Variants in C1orf74 observed in about 807,000 individuals in gnomAD.
C1orf74 encodes UPF0739 protein C1orf74.
In C1orf74, 5 loss-of-function variants were observed where a neutral mutation model predicts 7.3. That is an observed-to-expected ratio of 0.68 (90% CI 0.36 to 1.44). C1orf74 has a LOEUF of 1.44. Among genes scored for constraint, C1orf74 ranks in the 40% most tolerant of loss-of-function variants. The pLI, the probability that C1orf74 is intolerant of heterozygous loss-of-function variation, is 0.04. For missense variants in C1orf74, 291 were observed against 314.3 expected (o/e 0.93, Z 0.56); for synonymous variants, 121 against 132.5 (o/e 0.91, Z 0.59).
In C1orf74 at chr1:209,782,300, A is replaced by G; in HGVS notation, c.*525T>C. The G allele has an allele frequency of 1.6e-6, 1 of 625,652 alleles. No homozygotes were observed. The highest frequency in any genetic ancestry group is 2.9e-6 in the Non-Finnish European group (1 of 348,306). 38.8% of individuals were successfully genotyped at this position (625,652 alleles called of 1,614,324 possible). ...TCTTAACCTACTGTAAATAAACTTC[A>G]CCTGACCAGATTGTTCCTCAGAACT... On this transcript the variant is annotated 3_prime_UTR_variant, in exon 2 of 2. Transcript: ENST00000294811.
Position 209,783,353 on chromosome 1 carries a change from A to T in C1orf74, c.282T>A (p.Ile94=). ...HILEIGENSL[I]VSPEHVCQHL... is the part of the protein sequence containing the mutation. ...GCTGACATACATGCTCAGGACTGAC[A>T]ATCAGGCTGTTTTCTCCAATCTCAA... Residue 94 remains isoleucine (I), a synonymous_variant, in exon 2 of 2, where the codon ATT becomes ATA. Transcript: ENST00000294811. 1 of 1,614,182 alleles carries T rather than the reference A, an allele frequency of 6.2e-7. No individual in the cohort carries two copies. Among genetic ancestry groups the T allele is most frequent in the Non-Finnish European group, 8.5e-7 (1 of 1,180,016 alleles).
chr1:209,782,389 T>C lies in C1orf74; in HGVS notation c.*436A>G. On this transcript the variant is annotated 3_prime_UTR_variant, in exon 2 of 2. Transcript: ENST00000294811. ...ATCACATATTTAAGCATACTGGTGG[T>C]CTACTCTCCTCAAATTCAGTTGGAG... The C allele has an allele frequency of 1.9e-6, 1 of 514,168 alleles. No individual in the cohort carries two copies. Among genetic ancestry groups the C allele is most frequent in the Non-Finnish European group, 3.5e-6 (1 of 285,746 alleles). 31.9% of individuals were successfully genotyped at this position (514,168 alleles called of 1,614,324 possible).
Position 209,780,734 on chromosome 1 carries a change from C to T in C1orf74, c.*2091G>A, listed in dbSNP as rs2077759640. The T allele has an allele frequency of 1.2e-6, 1 of 868,866 alleles. No individual in the cohort carries two copies. The highest frequency in any genetic ancestry group is 3.5e-5 in the South Asian group (1 of 28,206). The allele number at this position is 868,866 out of a possible 1,614,324, so 53.8% of individuals were successfully genotyped here. On this transcript the variant is annotated 3_prime_UTR_variant, in exon 2 of 2. Coordinates refer to ENST00000294811, the MANE Select transcript of C1orf74 (RefSeq NM_152485.4). ...ATAACCACAGACATTCATTTGCCTACATAAAGTGTCTGTGCTTTTGGGCTG... is the reference window on the plus strand; with the variant it reads ...ATAACCACAGACATTCATTTGCCTATATAAAGTGTCTGTGCTTTTGGGCTG...
In C1orf74 at chr1:209,780,583, C is replaced by T; in HGVS notation, c.*2242G>A. Reference sequence around the variant, plus strand: ...AGACCAGCTGCAAAAGAAGACTTTGCAGCTCCAGGCCAAGGAAAAGGAGGT... The same window carrying T: ...AGACCAGCTGCAAAAGAAGACTTTGTAGCTCCAGGCCAAGGAAAAGGAGGT... On this transcript the variant is annotated 3_prime_UTR_variant, in exon 2 of 2. Coordinates refer to ENST00000294811, the MANE Select transcript of C1orf74 (RefSeq NM_152485.4). 2 of 1,591,674 alleles carry T rather than the reference C, an allele frequency of 1.3e-6. No homozygotes were observed. The highest frequency in any genetic ancestry group is 1.1e-5 in the South Asian group (1 of 88,410).
Position 209,781,550 on chromosome 1 carries a change from C to A in C1orf74, c.*1275G>T. The A allele has an allele frequency of 2.3e-6, 2 of 862,418 alleles. No individual in the cohort carries two copies. Among genetic ancestry groups the A allele is most frequent in the Non-Finnish European group, 1.9e-6 (1 of 520,388 alleles). The allele number at this position is 862,418 out of a possible 1,614,324, so 53.4% of individuals were successfully genotyped here. A position where few individuals can be genotyped will look rare whatever the true frequency, so the allele number is the denominator to read the frequency against. On this transcript the variant is annotated 3_prime_UTR_variant, in exon 2 of 2. Transcript: ENST00000294811. ...GCACATAAAATATATCAGCCCACGC[C>A]AACAACTGGCCATCCTGTCCCACTG... is the stretch of plus-strand genomic sequence containing the variant.
In C1orf74 at chr1:209,782,278, T is replaced by A; in HGVS notation, c.*547A>T. 1.5e-6 allele frequency: 1 copy of A among 686,076 alleles called. No homozygotes were observed. The highest frequency in any genetic ancestry group is 2.6e-6 in the Non-Finnish European group (1 of 388,292). The allele number at this position is 686,076 out of a possible 1,614,324, so 42.5% of individuals were successfully genotyped here. On this transcript the variant is annotated 3_prime_UTR_variant, in exon 2 of 2. Coordinates refer to ENST00000294811, the MANE Select transcript of C1orf74 (RefSeq NM_152485.4). ...GATTTCTGACTTTTTATTAATTTCT[T>A]AACCTACTGTAAATAAACTTCACCT...
Position 209,780,593 on chromosome 1 carries a change from C to T in C1orf74, c.*2232G>A. 6.3e-7 allele frequency: 1 copy of T among 1,587,344 alleles called. No homozygotes were observed. The highest frequency in any genetic ancestry group is 1.1e-5 in the South Asian group (1 of 88,010). ...CAAAAGAAGACTTTGCAGCTCCAGG[C>T]CAAGGAAAAGGAGGTGAGAGGGTGA... On this transcript the variant is annotated 3_prime_UTR_variant, in exon 2 of 2. Coordinates refer to ENST00000294811, the MANE Select transcript of C1orf74 (RefSeq NM_152485.4).
At chr1:209,783,957 T>C (rs1571975219) in intron 1 of C1orf74, among the ~76,000 whole-genome samples, 1 of 152,216 alleles carries the variant, frequency 6.6e-6, no homozygotes, top group East Asian at 1.9e-4. Flanking sequence ...CTGTTGCAAA[T>C]TACGTTCTCT....
At position 209,780,363 on chromosome 1, in the gene C1orf74, C is replaced by A; in HGVS notation, c.*2462G>T. The A allele has an allele frequency of 9.0e-7, 1 of 1,105,866 alleles. No homozygotes were observed. Among genetic ancestry groups the A allele is most frequent in the Non-Finnish European group, 1.2e-6 (1 of 822,046 alleles). 68.5% of individuals were successfully genotyped at this position (1,105,866 alleles called of 1,614,324 possible). ...TGCCATCAGTCTAGCCAAGAGCACG[C>A]CCTCCCAAGTTCCCTCCCCTCTCCC... On this transcript the variant is annotated 3_prime_UTR_variant, in exon 2 of 2. Transcript: ENST00000294811.
At position 209,783,674 on chromosome 1, in the gene C1orf74, G is replaced by C; in HGVS notation, c.-40C>G. The C allele has an allele frequency of 6.6e-7, 1 of 1,504,792 alleles. No individual in the cohort carries two copies. Among genetic ancestry groups the C allele is most frequent in the Non-Finnish European group, 8.9e-7 (1 of 1,119,864 alleles). 93.2% of individuals were successfully genotyped at this position (1,504,792 alleles called of 1,614,324 possible). On this transcript the variant is annotated 5_prime_UTR_variant, in exon 2 of 2. Coordinates refer to ENST00000294811, the MANE Select transcript of C1orf74 (RefSeq NM_152485.4). Reference sequence around the variant, plus strand: ...TTAGCTAGCCCGAGTTCCCTTCCCTGGGTGGCATCTTTCAGCCAGACACTT... The same window carrying C: ...TTAGCTAGCCCGAGTTCCCTTCCCTCGGTGGCATCTTTCAGCCAGACACTT...
Position 209,779,895 on chromosome 1 carries a change from T to C in C1orf74, c.*2930A>G, listed in dbSNP as rs1197598291. On this transcript the variant is annotated 3_prime_UTR_variant, in exon 2 of 2. Coordinates refer to ENST00000294811, the MANE Select transcript of C1orf74 (RefSeq NM_152485.4). Reference sequence around the variant, plus strand: ...ATATAATAGATAAGGCAGAAATTTTTATGCTCACAGAGTATGGATAAGAAC... The same window carrying C: ...ATATAATAGATAAGGCAGAAATTTTCATGCTCACAGAGTATGGATAAGAAC... The C allele has an allele frequency of 5.3e-6, 1 of 189,420 alleles. No individual in the cohort carries two copies. The highest frequency in any genetic ancestry group is 1.1e-5 in the Non-Finnish European group (1 of 91,034). 11.7% of individuals were successfully genotyped at this position (189,420 alleles called of 1,614,324 possible). A position where few individuals can be genotyped will look rare whatever the true frequency, so the allele number is the denominator to read the frequency against.
In C1orf74 at chr1:209,783,296, G is replaced by C. The variant is rs761695072; in HGVS notation, c.339C>G (p.Ala113=). 1.5e-5 allele frequency: 24 copies of C among 1,614,146 alleles called. No homozygotes were observed. The highest frequency in any genetic ancestry group is 1.9e-5 in the Non-Finnish European group (23 of 1,180,044). The change falls in exon 2 of 2, where the codon GCC becomes GCG. Residue 113 remains alanine (A), a synonymous_variant. Transcript: ENST00000294811. ...GCTGGCAGCTGGAAACATCCACAAA[G>C]GCTATGGTACCAAGCAGCACCTGCT... ...HLEQVLLGTI[A]FVDVSSCQRH... is the part of the protein sequence containing the mutation.
rs1320946488 is a variant in C1orf74, at chr1:209,783,360, C to T, written c.275G>A (p.Ser92Asn). Reference sequence around the variant, plus strand: ...TACATGCTCAGGACTGACAATCAGGCTGTTTTCTCCAATCTCAAGGATGTG... The same window carrying T: ...TACATGCTCAGGACTGACAATCAGGTTGTTTTCTCCAATCTCAAGGATGTG... Reference protein sequence around the residue: ...GLHILEIGENSLIVSPEHVCQ... With the variant: ...GLHILEIGENNLIVSPEHVCQ... The change falls in exon 2 of 2, where the codon AGC becomes AAC. Residue 92 changes from serine (S) to asparagine (N), a missense_variant. Ser to Asn is a conservative substitution (Grantham distance 46). Transcript: ENST00000294811. The T allele has an allele frequency of 2.5e-6, 4 of 1,614,084 alleles. No homozygotes were observed. Among genetic ancestry groups the T allele is most frequent in the Non-Finnish European group, 3.4e-6 (4 of 1,180,050 alleles).
rs1298187252 is a variant in C1orf74 at position 209,783,461 on chromosome 1, G to A, written c.174C>T (p.Cys58=). ...RGLKPAVLYD[C]NCAGASELQS... is the part of the protein sequence containing the mutation. ...GGAGCTCTGATGCCCCTGCACAGTT[G>A]CAATCATAGAGCACAGCTGGCTTCA... Residue 58 remains cysteine, a synonymous_variant, in exon 2 of 2, where the codon TGC becomes TGT. Transcript: ENST00000294811. The A allele has an allele frequency of 3.1e-6, 5 of 1,613,994 alleles. No homozygotes were observed. Among genetic ancestry groups the A allele is most frequent in the South Asian group, 1.1e-5 (1 of 91,072 alleles).
chr1:209,784,000 G>A (rs1446969761), intron 1 of C1orf74, among the ~76,000 whole-genome samples: 1 of 152,100 alleles, frequency 6.6e-6, no homozygotes, highest in Non-Finnish European at 1.5e-5. Flanking sequence ...GGGCAGAGGC[G>A]GAGGCGGGGC....
At position 209,781,921 on chromosome 1, in the gene C1orf74, C is replaced by CA; in HGVS notation, c.*903dup. On this transcript the variant is annotated 3_prime_UTR_variant, in exon 2 of 2. Transcript: ENST00000294811. ...CCAAGACAGGTGACAAAATGGGAGA[C>CA]AGAGTAAAAAGCTTTTTCTCCACCA... The CA allele has an allele frequency of 4.6e-6, 3 of 657,700 alleles. No individual in the cohort carries two copies. In the East Asian group the frequency reaches 8.2e-5, roughly 18 times the overall value. The allele number at this position is 657,700 out of a possible 1,614,324, so 40.7% of individuals were successfully genotyped here. A position where few individuals can be genotyped will look rare whatever the true frequency, so the allele number is the denominator to read the frequency against.
Position 209,782,816 on chromosome 1 carries a change from G to A in C1orf74, c.*9C>T. 1 of 1,611,872 alleles carries A rather than the reference G, an allele frequency of 6.2e-7. No individual in the cohort carries two copies. Among genetic ancestry groups the A allele is most frequent in the Non-Finnish European group, 8.5e-7 (1 of 1,178,664 alleles). On this transcript the variant is annotated 3_prime_UTR_variant, in exon 2 of 2. Transcript: ENST00000294811. ...ACTGAGTACCTTCTATATGGGAGGA[G>A]AGTTAAAGTCAGAGGGCCACAGCCG...
chr1:209,783,623 T>G lies in C1orf74; in HGVS notation c.12A>C (p.Leu4=). 1.3e-6 allele frequency: 2 copies of G among 1,583,682 alleles called. No homozygotes were observed. Among genetic ancestry groups the G allele is most frequent in the Non-Finnish European group, 1.7e-6 (2 of 1,165,412 alleles). MLL[L]DLMSSPSPQL... ...GAGGGCTCGGTGATGACATGAGATC[T>G]AGAAGCAACATCAAGAATGGCCTCC... is the stretch of plus-strand genomic sequence containing the variant. Residue 4 remains leucine, a synonymous_variant, in exon 2 of 2, where the codon CTA becomes CTC. Coordinates refer to ENST00000294811, the MANE Select transcript of C1orf74 (RefSeq NM_152485.4).
rs1375773423 is a variant in C1orf74, at chr1:209,779,313, A to G, written c.*3512T>C. ...AGACAAGTTCCTTGTGTTTTCCAAC[A>G]GGTTTGCTTCAAAATCAATCCTTAC... On this transcript the variant is annotated 3_prime_UTR_variant, in exon 2 of 2. Transcript: ENST00000294811. 6.2e-7 allele frequency: 1 copy of G among 1,613,984 alleles called. No individual in the cohort carries two copies. Among genetic ancestry groups the G allele is most frequent in the Non-Finnish European group, 8.5e-7 (1 of 1,179,946 alleles).
Sources: gnomAD v4.1 joint callset for allele counts (sites outside exome capture counted in the v4.1 genomes callset) on GRCh38, gnomAD v4.1.1 for gene constraint, MANE v1.5 for transcripts, NCBI Gene and HGNC (gene_info 2026-07-23, HGNC 2026-07-21) for gene names.